Variants in WDR7 observed in about 807,000 individuals in gnomAD.
The protein encoded by WDR7 is WD repeat-containing protein 7.
WDR7 carries 46 observed loss-of-function variants against 169.4 expected under a neutral mutation model. The observed-to-expected ratio is 0.27, with a 90% CI of 0.21 to 0.35. The LOEUF (loss-of-function observed/expected upper bound fraction) is 0.35, where lower values mean the gene tolerates loss of function less well. Among genes scored for constraint, WDR7 ranks in the 10% least tolerant of loss-of-function variants. The pLI is 1.00. For missense variants in WDR7, 1,534 were observed against 1,859.3 expected, an observed-to-expected ratio of 0.83 and a Z score of 3.22; for synonymous variants, 612 against 666.8, an observed-to-expected ratio of 0.92 and a Z score of 1.27.
intron 22 of WDR7, among the ~76,000 whole-genome samples, chr18:56,933,404 T>C (rs1311522044): frequency 6.6e-6 from 1 of 152,222 alleles, no homozygotes; most frequent in Non-Finnish European, 1.5e-5. Flanking sequence ...TTAGCTGAGT[T>C]TGATCTTTCT....
intron 20 of WDR7, among the ~76,000 whole-genome samples, chr18:56,851,774 T>C (rs1363981942): frequency 6.6e-6 from 1 of 152,236 alleles, no homozygotes; most frequent in African/African-American, 2.4e-5. Context: ...GAATCACCAA[T>C]GTGGTCTTTT....
At chr18:56,887,473 T>G (rs577276724) in intron 21 of WDR7, among the ~76,000 whole-genome samples, 96 of 152,318 alleles carry the variant, frequency 6.3e-4, no homozygotes, top group African/African-American at 2.0e-3. Context: ...TGAGCGATTT[T>G]GGGAAGTTTC....
chr18:56,810,167 G>A (rs10164143), intron 19 of WDR7, among the ~76,000 whole-genome samples: 18,466 of 152,064 alleles, frequency 0.12, 1,686 homozygotes, highest in African/African-American at 0.25. Context: ...GTTTTTAATA[G>A]TCTTCTACCA....
intron 21 of WDR7, among the ~76,000 whole-genome samples, chr18:56,907,662 A>G (rs1201863433): frequency 6.6e-6 from 1 of 152,136 alleles, no homozygotes; most frequent in African/African-American, 2.4e-5. Context: ...ACAGAAATGT[A>G]TTGCTCGGCA....
chr18:56,776,685 T>C, intron 16 of WDR7, 97 bp from the exon 17 acceptor site: 2 of 979,772 alleles, frequency 2.0e-6, no homozygotes, highest in South Asian at 2.6e-5. Flanking sequence ...CTGTTTTGCC[T>C]ACTTTGTTTT....
intron 20 of WDR7, among the ~76,000 whole-genome samples, chr18:56,839,568 G>A (rs1239797290): frequency 6.6e-6 from 1 of 152,058 alleles, no homozygotes; most frequent in Non-Finnish European, 1.5e-5. Context: ...TATAGTATTA[G>A]CCAAGCTATA....
At chr18:57,000,837 T>C (rs577395348) in intron 26 of WDR7, among the ~76,000 whole-genome samples, 1 of 152,284 alleles carries the variant, frequency 6.6e-6, no homozygotes, top group South Asian at 2.1e-4. Context: ...TAGAGGTTTA[T>C]ATATTCTGGA....
intron 19 of WDR7, among the ~76,000 whole-genome samples, chr18:56,808,420 A>G (rs1362240296): frequency 6.6e-6 from 1 of 152,172 alleles, no homozygotes; most frequent in African/African-American, 2.4e-5. Flanking sequence ...TCTCAGTGGA[A>G]ATCTATATTA....
chr18:56,756,588 T>G lies in WDR7; in HGVS notation c.1995T>G (p.Asn665Lys). The change falls in exon 15 of 28, where the codon AAT (asparagine) becomes AAG (lysine). Residue 665 changes from asparagine to lysine, a missense_variant. Coordinates refer to ENST00000254442, the MANE Select transcript of WDR7 (RefSeq NM_015285.3). The stretch of plus-strand genomic sequence containing the variant: ...TTTAAAAATATTTATTACAGGGAAA[T>G]TTACCTAAATATTCTCATAACTCCC... ...LLASEASDKG[N>K]LPKYSHNSLM... 6.4e-7 allele frequency: 1 copy of G among 1,569,194 alleles called. No individual in the cohort carries two copies. Among genetic ancestry groups the G allele is most frequent in the Non-Finnish European group, 8.6e-7 (1 of 1,161,748 alleles).
chr18:56,768,768 G>C (rs2044107417), intron 16 of WDR7, among the ~76,000 whole-genome samples: 1 of 151,984 alleles, frequency 6.6e-6, no homozygotes, highest in South Asian at 2.1e-4. Context: ...TTTTTAAGTT[G>C]TATTGCAAAC....
chr18:56,724,475 G>C (rs2026397254), intron 13 of WDR7, among the ~76,000 whole-genome samples: 1 of 151,934 alleles, frequency 6.6e-6, no homozygotes, highest in Admixed American at 6.6e-5. Flanking sequence ...GCCTCCCAAA[G>C]TGCAGGGGTT....
chr18:56,666,637 C>T (rs1278034478), intron 1 of WDR7, among the ~76,000 whole-genome samples: 1 of 152,146 alleles, frequency 6.6e-6, no homozygotes, highest in Admixed American at 6.6e-5. Flanking sequence ...TGTGTTTTGG[C>T]AAAATCTTGA....
intron 22 of WDR7, among the ~76,000 whole-genome samples, chr18:56,932,873 G>GT: frequency 9.8e-6 from 1 of 101,812 alleles, no homozygotes; most frequent in Admixed American, 9.3e-5. Flanking sequence ...TCTTCATTCT[G>GT]GGTGTGTGTG....
chr18:56,745,934 A>G (rs1238614517), intron 14 of WDR7, among the ~76,000 whole-genome samples: 9 of 152,124 alleles, frequency 5.9e-5, no homozygotes, highest in Admixed American at 5.9e-4. Flanking sequence ...TCACTGACCT[A>G]TATGGATGTT....
At chr18:56,856,740 C>T (rs1231044926) in intron 20 of WDR7, among the ~76,000 whole-genome samples, 1 of 151,926 alleles carries the variant, frequency 6.6e-6, no homozygotes, top group South Asian at 2.1e-4. Flanking sequence ...CCTAAAATGT[C>T]TTTAAGAAAA....
intron 26 of WDR7, among the ~76,000 whole-genome samples, chr18:57,008,116 A>T (rs1160504426): frequency 2.0e-5 from 3 of 151,838 alleles, no homozygotes; most frequent in African/African-American, 4.8e-5. Context: ...CTTCCCACTG[A>T]TCCCTATCCG....
chr18:56,755,812 T>C (rs908423973), intron 14 of WDR7, among the ~76,000 whole-genome samples: 3 of 152,188 alleles, frequency 2.0e-5, no homozygotes, highest in Non-Finnish European at 4.4e-5. Context: ...ACTCTCCAGA[T>C]AAATCTTTAT....
intron 22 of WDR7, among the ~76,000 whole-genome samples, chr18:56,926,775 TAAGC>T (rs1450385188): frequency 6.6e-6 from 1 of 152,254 alleles, no homozygotes; most frequent in African/African-American, 2.4e-5. Flanking sequence ...AATTGCATAA[TAAGC>T]AAGAAAATGT....
intron 19 of WDR7, among the ~76,000 whole-genome samples, chr18:56,787,554 G>A (rs2044421570): frequency 1.3e-5 from 2 of 152,180 alleles, no homozygotes; most frequent in South Asian, 4.1e-4. Flanking sequence ...TTCTTATCGA[G>A]TCCCTGCCTT....
Sources: gnomAD v4.1 joint callset for allele counts (sites outside exome capture counted in the v4.1 genomes callset) on GRCh38, gnomAD v4.1.1 for gene constraint, MANE v1.5 for transcripts, NCBI Gene and HGNC (gene_info 2026-07-23, HGNC 2026-07-21) for gene names.